Variants in PACS2 observed in about 807,000 individuals in gnomAD.
The protein encoded by PACS2 is phosphofurin acidic cluster sorting protein 2, also known as PACS1-like protein.
A neutral mutation model predicts 113.0 loss-of-function variants in PACS2; 36 were observed. That is an observed-to-expected ratio of 0.32 (90% CI 0.24 to 0.42). The LOEUF (loss-of-function observed/expected upper bound fraction) is 0.42, where lower values mean the gene tolerates loss of function less well. Ranked by LOEUF, PACS2 falls within the 10% of genes least tolerant of loss-of-function variation. The probability of loss-of-function intolerance (pLI) is 1.00; values close to 1 mark genes in which losing one functional copy is unlikely to be tolerated. For synonymous variants in PACS2, 589 were observed against 536.1 expected (o/e 1.10, Z -1.36); for missense variants, 1,015 against 1,239.5 (o/e 0.82, Z 2.72).
rs2080912304 is a variant in PACS2, at chr14:105,379,721, C to T, written c.960-18C>T. On this transcript the variant is annotated intron_variant, in intron 9 of 24. Coordinates refer to ENST00000447393, the MANE Select transcript of PACS2 (RefSeq NM_001100913.3). The stretch of plus-strand genomic sequence containing the variant: ...TCCTGGAAATTAACGTGTCCCCCAC[C>T]CCTGTTCCCTGAGCCAGGCCATACT... 6.2e-7 allele frequency: 1 copy of T among 1,605,368 alleles called. No homozygotes were observed. The highest frequency in any genetic ancestry group is 8.5e-7 in the Non-Finnish European group (1 of 1,172,234).
At chr14:105,384,087 C>T (rs2081088740) in intron 16 of PACS2, 2 of 477,932 alleles carry the variant, frequency 4.2e-6, no homozygotes, top group African/African-American at 2.0e-5. Context: ...GAGGCCTCTG[C>T]ACGGTCACAT....
chr14:105,383,088 G>A, intron 15 of PACS2, 175 bp downstream of exon 15: 1 of 625,514 alleles, frequency 1.6e-6, no homozygotes, highest in Non-Finnish European at 2.9e-6. Context: ...GTTGTGGGCG[G>A]GAGCAGCAGC....
intron 21 of PACS2, 119 bp from the exon 22 acceptor site, chr14:105,391,512 T>TGGCCCCCC: frequency 2.3e-5 from 14 of 611,280 alleles, no homozygotes; most frequent in South Asian, 1.9e-5. Context: ...CACTGGGGAC[T>TGGCCCCCC]CCCACCCTGC....
chr14:105,314,292 G>A (rs971067553), upstream of PACS2: 8 of 152,214 alleles, frequency 5.3e-5, no homozygotes, highest in African/African-American at 1.4e-4. Context: ...GGGAGACTCG[G>A]GGCATGGCGG....
chr14:105,327,957 G>A (rs924592943), intron 1 of PACS2, among the ~76,000 whole-genome samples: 3 of 152,188 alleles, frequency 2.0e-5, no homozygotes, highest in Admixed American at 2.0e-4. Flanking sequence ...CAGGCCACCC[G>A]AGGGGCCATT....
At chr14:105,385,811 C>T in intron 19 of PACS2, 94 bp downstream of exon 19, 1 of 731,488 alleles carries the variant, frequency 1.4e-6, no homozygotes, top group Non-Finnish European at 2.0e-6. Context: ...ACCCCGCTGT[C>T]CTCTCTCCGG....
rs1361873107 is a variant in PACS2 at position 105,348,708 on chromosome 14, C to T, written c.207+128C>T. The T allele has an allele frequency of 2.7e-5, 19 of 714,786 alleles. No individual in the cohort carries two copies. Among genetic ancestry groups the T allele is most frequent in the African/African-American group, 3.5e-5 (2 of 56,772 alleles). 44.3% of individuals were successfully genotyped at this position (714,786 alleles called of 1,614,324 possible). A position where few individuals can be genotyped will look rare whatever the true frequency, so the allele number is the denominator to read the frequency against. Reference sequence around the variant, plus strand: ...AACAGCGGGCAGCCCATGCCATCTCCGGGAGCCCGGGGGGCTGGGAATGAC... The same window carrying T: ...AACAGCGGGCAGCCCATGCCATCTCTGGGAGCCCGGGGGGCTGGGAATGAC... On this transcript the variant is annotated intron_variant, in intron 2 of 24. Coordinates refer to ENST00000447393, the MANE Select transcript of PACS2 (RefSeq NM_001100913.3). The surrounding 1 kb of genome is among the most constrained non-coding windows in gnomAD (Gnocchi z 6.4).
intron 1 of PACS2, among the ~76,000 whole-genome samples, chr14:105,336,967 G>A (rs185465437): frequency 2.7e-4 from 41 of 152,350 alleles, no homozygotes; most frequent in African/African-American, 9.1e-4. Flanking sequence ...CGGTGACTGC[G>A]TGATGGACGC....
chr14:105,376,876 G>A lies in PACS2; in HGVS notation c.910G>A (p.Asp304Asn), dbSNP rs2080801179. Residue 304 changes from aspartate (D) to asparagine (N), a missense_variant, in exon 9 of 25, where the codon GAC becomes AAC. Transcript: ENST00000447393. The surrounding 1 kb of genome is among the most constrained non-coding windows in gnomAD (Gnocchi z 4.7). ...GGAGCACCCCAGCGACAGCGGCCCC[G>A]ACATGGAGGATGACGACAGCGTCCT... ...DMEHPSDSGP[D>N]MEDDDSVLST... is the part of the protein sequence containing the mutation. 1.2e-6 allele frequency: 2 copies of A among 1,612,890 alleles called. No homozygotes were observed. Among genetic ancestry groups the A allele is most frequent in the Non-Finnish European group, 8.5e-7 (1 of 1,179,828 alleles).
Position 105,382,056 on chromosome 14 carries a change from C to G in PACS2, c.1411C>G (p.Gln471Glu). ...CCGGAGCCAGCTACAGGTGCAGCTG[C>G]AGGTGGGGGTGGAGGGCGTGGCACG... ...DARSQLQVQLQIPRKTVYDQL... is the reference protein window; with the variant it reads ...DARSQLQVQLEIPRKTVYDQL... Residue 471 changes from glutamine (Q) to glutamate (E), a missense_variant and splice_region_variant, in exon 13 of 25, where the codon CAG (glutamine) becomes GAG (glutamate). By Grantham distance (29) the Gln-to-Glu change is conservative (BLOSUM62 2). Transcript: ENST00000447393. 1 of 1,542,554 alleles carries G rather than the reference C, an allele frequency of 6.5e-7. No individual in the cohort carries two copies. The highest frequency in any genetic ancestry group is 8.7e-7 in the Non-Finnish European group (1 of 1,146,400).
intron 19 of PACS2, among the ~76,000 whole-genome samples, chr14:105,386,057 G>C (rs78185734): frequency 0.08 from 12,199 of 152,248 alleles, 1,666 homozygotes; most frequent in African/African-American, 0.28. Context: ...GCCTTTCCCC[G>C]GCTCTGTTTT....
rs1197235589 is a variant in PACS2 at position 105,348,645 on chromosome 14, C to T, written c.207+65C>T. ...GTAGGCTTTCCATGTGCCTGGGAGA[C>T]GAGTCAGGCGGTGCGCTACTGTGGG... On this transcript the variant is annotated intron_variant, in intron 2 of 24. Transcript: ENST00000447393. The surrounding 1 kb of genome is among the most constrained non-coding windows in gnomAD (Gnocchi z 6.4). The T allele has an allele frequency of 2.5e-6, 3 of 1,189,614 alleles. No individual in the cohort carries two copies. Among genetic ancestry groups the T allele is most frequent in the African/African-American group, 1.5e-5 (1 of 67,104 alleles). The allele number at this position is 1,189,614 out of a possible 1,614,324, so 73.7% of individuals were successfully genotyped here.
At chr14:105,310,073 C>G (rs1022029944), upstream of PACS2, among the ~76,000 whole-genome samples, 1 of 151,692 alleles carries the variant, frequency 6.6e-6, no homozygotes, top group African/African-American at 2.4e-5. Context: ...TATGAGCCAC[C>G]GCACCCAGCC....
chr14:105,312,160 G>C (rs374274615), upstream of PACS2, among the ~76,000 whole-genome samples: 1 of 152,202 alleles, frequency 6.6e-6, no homozygotes. Context: ...TGGTCCTGGC[G>C]CCCGACTGGA....
intron 19 of PACS2, among the ~76,000 whole-genome samples, chr14:105,387,470 C>T (rs1176361439): frequency 3.9e-5 from 6 of 152,210 alleles, no homozygotes; most frequent in East Asian, 1.9e-4. Context: ...CTGTGCCCTC[C>T]GTGCCCGCGG....
upstream of PACS2, among the ~76,000 whole-genome samples, chr14:105,312,117 G>A (rs1457102046): frequency 6.6e-6 from 1 of 152,240 alleles, no homozygotes; most frequent in Non-Finnish European, 1.5e-5. Flanking sequence ...CTTAGCCCAG[G>A]CTGAGGAGAT....
Position 105,391,740 on chromosome 14 carries a change from G to T in PACS2, c.2229G>T (p.Ser743=), listed in dbSNP as rs376699340. 3.1e-6 allele frequency: 5 copies of T among 1,595,272 alleles called. No individual in the cohort carries two copies. Among genetic ancestry groups the T allele is most frequent in the Non-Finnish European group, 4.3e-6 (5 of 1,171,892 alleles). Residue 743 remains serine, a synonymous_variant, in exon 22 of 25, where the codon TCG becomes TCT. Transcript: ENST00000447393. ...EASPTPPSSP[S]VSGGLSSPSQ... ...CACCCACCCCGCCCTCCTCCCCGTCGGTGAGCGGAGGCCTGTCCTCCCCCA... is the reference window on the plus strand; with the variant it reads ...CACCCACCCCGCCCTCCTCCCCGTCTGTGAGCGGAGGCCTGTCCTCCCCCA...
Position 105,328,607 on chromosome 14 carries a change from C to T in PACS2, c.119+13570C>T, listed in dbSNP as rs143301605. On this transcript the variant is annotated intron_variant, in intron 1 of 24. Coordinates refer to ENST00000447393, the MANE Select transcript of PACS2 (RefSeq NM_001100913.3). ...TGCCACGCACTTGCTGGAGGTACTGCCTGGGGGTAGACTGTGGCCAGGCCC... is the reference window on the plus strand; with the variant it reads ...TGCCACGCACTTGCTGGAGGTACTGTCTGGGGGTAGACTGTGGCCAGGCCC... Among the ~76,000 whole-genome samples the T allele has an allele frequency of 4.0e-4, 61 of 152,332 alleles. 1 individual carries two copies. The East Asian group carries it at 0.012, about 29-fold the overall frequency.
rs1427168926 is a variant in PACS2, at chr14:105,330,079, A to C, written c.119+15042A>C. On this transcript the variant is annotated intron_variant, in intron 1 of 24. Transcript: ENST00000447393. The surrounding 1 kb of genome is among the most constrained non-coding windows in gnomAD (Gnocchi z 6.9). ...AGAAGCCTGGGGTCCATGTGTGGGA[A>C]GGAACGGGGACAGGGAGCCTCCGAG... Among the ~76,000 whole-genome samples, 14 of 140,096 alleles carry C rather than the reference A, an allele frequency of 1.0e-4. No homozygotes were observed. Among genetic ancestry groups the C allele is most frequent in the South Asian group, 2.4e-4 (1 of 4,176 alleles). The allele number at this position is 140,096 out of a possible 152,430, so 91.9% of individuals were successfully genotyped here.
Sources: allele counts gnomAD v4.1 joint callset (sites outside exome capture counted in the v4.1 genomes callset), GRCh38; gene constraint gnomAD v4.1.1; non-coding constraint Gnocchi (gnomAD v3.1); transcripts MANE v1.5; gene names NCBI Gene and HGNC (gene_info 2026-07-23, HGNC 2026-07-21).